Variants in RYR3 observed in about 807,000 individuals in gnomAD.
The protein encoded by RYR3 is ryanodine receptor 3.
RYR3 carries 207 observed loss-of-function variants against 584.3 expected under a neutral mutation model. The ratio of observed to expected loss-of-function variants is 0.35; its 90% CI spans 0.32 to 0.40. The LOEUF is 0.40. Among genes scored for constraint, RYR3 ranks in the 10% least tolerant of loss-of-function variants. The probability of loss-of-function intolerance (pLI) is 1.00; values close to 1 mark genes in which losing one functional copy is unlikely to be tolerated. For synonymous variants in RYR3, 2,416 were observed against 2,248.5 expected (o/e 1.07, Z -2.11); for missense variants, 5,616 against 6,089.2 (o/e 0.92, Z 2.59).
At chr15:33,676,965 A>C (rs991906966) in intron 38 of RYR3, among the ~76,000 whole-genome samples, 1 of 152,112 alleles carries the variant, frequency 6.6e-6, no homozygotes. Flanking sequence ...CACTTAATTG[A>C]GTACCTCCTT....
chr15:33,837,556 A>G (rs2078123531), intron 88 of RYR3, 75 bp from the exon 89 acceptor site: 1 of 1,446,908 alleles, frequency 6.9e-7, no homozygotes. Flanking sequence ...TCTTCTAAAA[A>G]TAGCTACCTG....
At chr15:33,393,632 G>C (rs1595953127) in intron 1 of RYR3, among the ~76,000 whole-genome samples, 3 of 152,178 alleles carry the variant, frequency 2.0e-5, no homozygotes. Context: ...ACAACAAAGG[G>C]TGATTGTTTG....
intron 1 of RYR3, among the ~76,000 whole-genome samples, chr15:33,402,386 G>A (rs910709392): frequency 1.3e-5 from 2 of 152,202 alleles, no homozygotes; most frequent in African/African-American, 4.8e-5. Flanking sequence ...CTCCCAATTT[G>A]ATTCTCTCCC....
chr15:33,457,870 A>G (rs2047692025), intron 1 of RYR3, among the ~76,000 whole-genome samples: 1 of 152,212 alleles, frequency 6.6e-6, no homozygotes, highest in South Asian at 2.1e-4. Flanking sequence ...AAGTTAAAAT[A>G]GTTTTACTTG....
intron 19 of RYR3, among the ~76,000 whole-genome samples, chr15:33,619,591 C>T (rs1023592794): frequency 1.3e-5 from 2 of 152,186 alleles, no homozygotes; most frequent in Non-Finnish European, 2.9e-5. Context: ...GGTCCTGTAG[C>T]TTTTATTACT....
chr15:33,445,767 A>AT (rs200932030), intron 1 of RYR3, among the ~76,000 whole-genome samples: 181 of 145,402 alleles, frequency 1.2e-3, no homozygotes, highest in African/African-American at 4.0e-3. Context: ...TCAATGGTTT[A>AT]TTTTTTTTTT....
At chr15:33,425,802 CG>C (rs1476794623) in intron 1 of RYR3, among the ~76,000 whole-genome samples, 1 of 151,770 alleles carries the variant, frequency 6.6e-6, no homozygotes, top group Non-Finnish European at 1.5e-5. Context: ...CCACCACACC[CG>C]GCTAATTTTT....
At chr15:33,644,844 T>C (rs896558275) in intron 28 of RYR3, among the ~76,000 whole-genome samples, 1 of 152,076 alleles carries the variant, frequency 6.6e-6, no homozygotes, top group African/African-American at 2.4e-5. Flanking sequence ...TTTTCTGTTT[T>C]TTTTTCTTTT....
intron 43 of RYR3, among the ~76,000 whole-genome samples, chr15:33,713,415 A>T (rs973405732): frequency 6.6e-6 from 1 of 151,418 alleles, no homozygotes; most frequent in African/African-American, 2.4e-5. Flanking sequence ...GTGGTGGCTG[A>T]TGATGATGGT....
At chr15:33,802,791 T>C (rs2075988518) in intron 69 of RYR3, among the ~76,000 whole-genome samples, 1 of 152,274 alleles carries the variant, frequency 6.6e-6, no homozygotes, top group Admixed American at 6.5e-5. Context: ...GTTGATTTTA[T>C]ATGTCAAGTA....
rs548946925 is a variant in RYR3, at chr15:33,489,497, T to C, written c.172-14134T>C. 1.5e-4 allele frequency among the ~76,000 whole-genome samples: 23 copies of C among 152,360 alleles called. 1 individual carries two copies. The South Asian group carries it at 2.3e-3, about 15-fold the overall frequency. On this transcript the variant is annotated intron_variant, in intron 2 of 103. Transcript: ENST00000634891. ...TCCTGCATTAGTTTACTGAGGATATTAGCCTCCAGCTCCATCCATGTTCCC... is the reference window on the plus strand; with the variant it reads ...TCCTGCATTAGTTTACTGAGGATATCAGCCTCCAGCTCCATCCATGTTCCC...
chr15:33,631,122 G>A (rs2061242922), intron 22 of RYR3, 88 bp from the exon 23 acceptor site: 1 of 801,134 alleles, frequency 1.2e-6, no homozygotes. Flanking sequence ...AATGGCTCTT[G>A]TCTGTTTTCA....
intron 18 of RYR3, among the ~76,000 whole-genome samples, 164 bp downstream of exon 18, chr15:33,603,528 A>G (rs2059772856): frequency 6.6e-6 from 1 of 152,204 alleles, no homozygotes; most frequent in African/African-American, 2.4e-5. Context: ...AATAAGACTC[A>G]TTTATACCAT....
intron 3 of RYR3, among the ~76,000 whole-genome samples, chr15:33,516,074 A>G (rs1283034895): frequency 1.3e-5 from 2 of 152,126 alleles, no homozygotes; most frequent in African/African-American, 2.4e-5. Flanking sequence ...TTATTATGAT[A>G]TTTGTATTAA....
At chr15:33,840,710 G>T (rs1263668603) in intron 89 of RYR3, 115 bp from the exon 90 acceptor site, 1 of 868,084 alleles carries the variant, frequency 1.2e-6, no homozygotes, top group Non-Finnish European at 1.9e-6. Context: ...GAGAGAAGCA[G>T]AAACATGAAA....
intron 67 of RYR3, among the ~76,000 whole-genome samples, chr15:33,796,242 C>T (rs550040381): frequency 1.3e-5 from 2 of 152,228 alleles, no homozygotes; most frequent in East Asian, 3.9e-4. Flanking sequence ...TCAAGTGATT[C>T]TCCTGCCTCA....
chr15:33,427,351 A>G (rs529588127), intron 1 of RYR3, among the ~76,000 whole-genome samples: 2 of 152,322 alleles, frequency 1.3e-5, no homozygotes, highest in Admixed American at 1.3e-4. Context: ...GTGTGCACCT[A>G]TAGTCCCAGC....
At chr15:33,320,549 G>A (rs777238232) in intron 1 of RYR3, among the ~76,000 whole-genome samples, 17 of 152,316 alleles carry the variant, frequency 1.1e-4, no homozygotes, top group Non-Finnish European at 1.8e-4. Context: ...GAGGTAGCAA[G>A]GATATCAGTC....
chr15:33,757,352 T>G (rs755594638), intron 59 of RYR3, 123 bp from the exon 60 acceptor site: 26 of 1,080,234 alleles, frequency 2.4e-5, no homozygotes, highest in Non-Finnish European at 3.5e-5. Flanking sequence ...GGGTAGAATT[T>G]CCTGGAAATT....
Sources: allele counts gnomAD v4.1 joint callset (sites outside exome capture counted in the v4.1 genomes callset), GRCh38; gene constraint gnomAD v4.1.1; transcripts MANE v1.5; gene names NCBI Gene and HGNC (gene_info 2026-07-23, HGNC 2026-07-21).